The following MTHFD1L variants were observed in gnomAD, a reference collection of about 807,000 sequenced individuals.
The protein encoded by MTHFD1L is methylenetetrahydrofolate dehydrogenase (NADP+ dependent) 1 like, also known as monofunctional C1-tetrahydrofolate synthase, mitochondrial.
MTHFD1L carries 81 observed loss-of-function variants against 119.5 expected under a neutral mutation model. That is an observed-to-expected ratio of 0.68 (90% CI 0.57 to 0.82). MTHFD1L has a LOEUF of 0.82. Ranked by LOEUF, MTHFD1L falls within the 40% of genes least tolerant of loss-of-function variation. The pLI is 0.00. For missense variants in MTHFD1L, 1,125 were observed against 1,253.4 expected (o/e 0.90, Z 1.55); for synonymous variants, 430 against 475.2 (o/e 0.90, Z 1.24).
intron 7 of MTHFD1L, among the ~76,000 whole-genome samples, chr6:150,890,529 A>G (rs541290382): frequency 3.9e-5 from 6 of 152,212 alleles, no homozygotes; most frequent in Admixed American, 3.9e-4. Flanking sequence ...CTTGATGACC[A>G]CTAGGGAATG....
intron 27 of MTHFD1L, among the ~76,000 whole-genome samples, chr6:151,098,574 CCTAT>C (rs1795087536): frequency 1.3e-5 from 2 of 152,128 alleles, no homozygotes; most frequent in South Asian, 4.1e-4. Flanking sequence ...TTAAATCTCT[CCTAT>C]CTAACTAAAA....
intron 8 of MTHFD1L, among the ~76,000 whole-genome samples, chr6:150,909,625 A>G (rs1039131584): frequency 6.6e-6 from 1 of 152,242 alleles, no homozygotes; most frequent in African/African-American, 2.4e-5. Flanking sequence ...CATCATAAGC[A>G]AAATCATTTT....
intron 8 of MTHFD1L, among the ~76,000 whole-genome samples, chr6:150,906,766 ATAAAAGCAT>A (rs1176502212): frequency 6.6e-6 from 1 of 152,190 alleles, no homozygotes; most frequent in Admixed American, 6.5e-5. Context: ...AGGCAGCTCC[ATAAAAGCAT>A]GAGCCCTAGC....
rs1583356215 is a variant in MTHFD1L at position 150,882,986 on chromosome 6, T to C, written c.542+100T>C. 8.8e-6 allele frequency: 10 copies of C among 1,139,182 alleles called. No homozygotes were observed. In the East Asian group the frequency reaches 2.7e-4, roughly 31 times the overall value. 70.6% of individuals were successfully genotyped at this position (1,139,182 alleles called of 1,614,324 possible). ...AAATTTCTTCTATTTATTTCAACTG[T>C]GTCAGTAATTGGATAAAAAAATCAT... On this transcript the variant is annotated intron_variant, in intron 5 of 27. Transcript: ENST00000367321.
chr6:150,958,573 G>T (rs1032106187), intron 17 of MTHFD1L, among the ~76,000 whole-genome samples: 2 of 152,036 alleles, frequency 1.3e-5, no homozygotes, highest in African/African-American at 2.4e-5. Context: ...TTAAATGTGT[G>T]CTAAATCCCT....
intron 1 of MTHFD1L, 164 bp from the exon 2 acceptor site, chr6:150,875,926 A>G: frequency 1.7e-6 from 1 of 581,848 alleles, no homozygotes; most frequent in Non-Finnish European, 3.1e-6. Flanking sequence ...TCTTGATTTC[A>G]TTGTTACGCC....
intron 7 of MTHFD1L, among the ~76,000 whole-genome samples, chr6:150,893,005 C>T (rs577824377): frequency 1.3e-5 from 2 of 152,154 alleles, no homozygotes; most frequent in East Asian, 3.9e-4. Flanking sequence ...GGACACCTGG[C>T]ACACCCTTGG....
chr6:151,085,260 T>C lies in MTHFD1L; in HGVS notation c.2848-7207T>C, dbSNP rs565164159. On this transcript the variant is annotated intron_variant, in intron 26 of 27. Transcript: ENST00000367321. ...AACAGGCTTTCTACCATTAAAAAAC[T>C]TTATAGTCTTCTTTACAAAAGAAGA... 2.0e-5 allele frequency among the ~76,000 whole-genome samples: 3 copies of C among 152,152 alleles called. No individual in the cohort carries two copies. In the East Asian group the frequency reaches 5.8e-4, roughly 29 times the overall value.
At chr6:151,003,999 GC>G (rs1426538766) in intron 20 of MTHFD1L, among the ~76,000 whole-genome samples, 1 of 123,996 alleles carries the variant, frequency 8.1e-6, no homozygotes, top group Non-Finnish European at 1.7e-5. Context: ...GGATGTTAAT[GC>G]TTTTTTTTAA....
chr6:151,018,650 T>C (rs1454883547), intron 24 of MTHFD1L, among the ~76,000 whole-genome samples: 1 of 152,122 alleles, frequency 6.6e-6, no homozygotes, highest in Non-Finnish European at 1.5e-5. Context: ...CTAAGTACTG[T>C]GCTCAAAAGT....
intron 26 of MTHFD1L, among the ~76,000 whole-genome samples, chr6:151,067,438 C>G (rs558388571): frequency 2.3e-4 from 35 of 152,154 alleles, no homozygotes; most frequent in African/African-American, 8.2e-4. Flanking sequence ...ATTATCGTGC[C>G]TCAGCCTCCT....
At chr6:150,959,324 G>C in intron 17 of MTHFD1L, 1 of 450,982 alleles carries the variant, frequency 2.2e-6, no homozygotes, top group South Asian at 9.6e-5. Context: ...GCGTAAGCTT[G>C]AACTTGTCTG....
chr6:150,877,858 C>T, intron 4 of MTHFD1L, 32 bp downstream of exon 4: 1 of 1,613,274 alleles, frequency 6.2e-7, no homozygotes, highest in Non-Finnish European at 8.5e-7. Context: ...ACTCTTGCTT[C>T]TTCTTTCCTC....
rs185780893 is a variant in MTHFD1L, at chr6:150,921,696, C to T, written c.985-509C>T. On this transcript the variant is annotated intron_variant, in intron 9 of 27. Coordinates refer to ENST00000367321, the MANE Select transcript of MTHFD1L (RefSeq NM_015440.5). ...CCGAGTAGCTGGGATTATAGGTGCG[C>T]ATCACCACACCTGGATTTTTTAATA... 6.8e-4 allele frequency among the ~76,000 whole-genome samples: 103 copies of T among 152,330 alleles called. 2 individuals carry two copies. The highest frequency in any genetic ancestry group is 6.5e-3 in the Admixed American group (100 of 15,302).
chr6:150,881,147 C>CA (rs1781333190), intron 4 of MTHFD1L, among the ~76,000 whole-genome samples: 1 of 152,034 alleles, frequency 6.6e-6, no homozygotes, highest in Non-Finnish European at 1.5e-5. Flanking sequence ...AGGTCCTATC[C>CA]AAAAAAACCT....
chr6:150,995,033 AACTAATCATATTTTTGTCAGGCTGAGG>A (rs1456828907), intron 20 of MTHFD1L, among the ~76,000 whole-genome samples: 10 of 152,340 alleles, frequency 6.6e-5, no homozygotes, highest in Admixed American at 5.9e-4. Flanking sequence ...TGTATAATAC[AACTAATCATATTTTTGTCAGGCTGAGG>A]ACATCTCAAG....
chr6:150,966,070 G>A (rs1460088073), intron 19 of MTHFD1L, among the ~76,000 whole-genome samples: 1 of 152,220 alleles, frequency 6.6e-6, no homozygotes, highest in African/African-American at 2.4e-5. Context: ...TAGTGCAGGG[G>A]CCTTGGGCAG....
intron 20 of MTHFD1L, among the ~76,000 whole-genome samples, chr6:150,994,094 A>AAGAAAGAAAGAAAGAAAGAAAG (rs1779482033): frequency 8.4e-6 from 1 of 119,616 alleles, no homozygotes; most frequent in African/African-American, 3.2e-5. Flanking sequence ...AGAAAGAAAG[A>AAGAAAGAAAGAAAGAAAGAAAG]AAGTGACCCA....
At chr6:151,080,986 C>CATG (rs1793088578) in intron 26 of MTHFD1L, among the ~76,000 whole-genome samples, 1 of 152,150 alleles carries the variant, frequency 6.6e-6, no homozygotes, top group African/African-American at 2.4e-5. Context: ...TCCCTACAGC[C>CATG]TCGACTTCCT....
Sources: allele counts gnomAD v4.1 joint callset (sites outside exome capture counted in the v4.1 genomes callset), GRCh38; gene constraint gnomAD v4.1.1; transcripts MANE v1.5; gene names NCBI Gene and HGNC (gene_info 2026-07-23, HGNC 2026-07-21).